Variants in GPC3 observed in about 807,000 individuals in gnomAD.
The protein encoded by GPC3 is glypican-3.
Under a neutral mutation model 34.4 loss-of-function variants are expected in GPC3, and 3 were observed. The observed-to-expected ratio is 0.09, with a 90% CI of 0.04 to 0.23. The LOEUF (loss-of-function observed/expected upper bound fraction) is 0.23, where lower values mean the gene tolerates loss of function less well. Among genes scored for constraint, GPC3 ranks in the 10% least tolerant of loss-of-function variants. The pLI is 1.00. For missense variants in GPC3, 351 were observed against 445.6 expected, an observed-to-expected ratio of 0.79 and a Z score of 1.91; for synonymous variants, 177 against 174.0, an observed-to-expected ratio of 1.02 and a Z score of -0.13.
intron 2 of GPC3, among the ~76,000 whole-genome samples, chrX:133,865,954 T>C (rs1811906566): frequency 8.9e-6 from 1 of 112,055 alleles, no homozygotes; most frequent in African/African-American, 3.2e-5. Flanking sequence ...AAATTTCTAG[T>C]TTTAAGCAGT....
rs185484275 is a variant in GPC3, at chrX:133,613,047, C to A, written c.1414-16448G>T. ...GTTGTCTAGTTCTCCTATCTTCAAACTTTAACTCAAATTCCCTGTATTATA... is the reference window on the plus strand; with the variant it reads ...GTTGTCTAGTTCTCCTATCTTCAAAATTTAACTCAAATTCCCTGTATTATA... On this transcript the variant is annotated intron_variant, in intron 6 of 7. Transcript: ENST00000370818. 1.8e-3 allele frequency among the ~76,000 whole-genome samples: 196 copies of A among 111,358 alleles called. 1 individual carries two copies. Among genetic ancestry groups the A allele is most frequent in the African/African-American group, 6.2e-3 (189 of 30,681 alleles).
intron 3 of GPC3, among the ~76,000 whole-genome samples, chrX:133,722,921 T>C (rs1294026797): frequency 8.9e-6 from 1 of 111,906 alleles, no homozygotes; most frequent in East Asian, 2.8e-4. Flanking sequence ...GAGACTCATC[T>C]TGCACATTTC....
At chrX:133,920,853 C>A (rs1054715545) in intron 2 of GPC3, among the ~76,000 whole-genome samples, 3 of 111,797 alleles carry the variant, frequency 2.7e-5, no homozygotes, top group Admixed American at 9.5e-5. Flanking sequence ...AATATTAACA[C>A]CTTACATAAC....
chrX:133,784,864 C>A (rs980907513), intron 2 of GPC3, among the ~76,000 whole-genome samples: 6 of 112,242 alleles, frequency 5.3e-5, no homozygotes, highest in African/African-American at 1.9e-4. Context: ...CAGTCACTCT[C>A]CATTTCCTCT....
At chrX:133,608,040 G>C (rs377633110) in intron 6 of GPC3, among the ~76,000 whole-genome samples, 1 of 112,561 alleles carries the variant, frequency 8.9e-6, no homozygotes, top group Admixed American at 9.4e-5. Flanking sequence ...AGCCTTACTA[G>C]AGTAAAGCTC....
In GPC3 at chrX:133,716,951, CT is replaced by C. The variant is rs1385977808; in HGVS notation, c.1033-16924del. Among the ~76,000 whole-genome samples, 12 of 109,661 alleles carry C rather than the reference CT, an allele frequency of 1.1e-4. No individual in the cohort carries two copies. In the South Asian group the frequency reaches 1.2e-3, roughly 11 times the overall value. On this transcript the variant is annotated intron_variant, in intron 3 of 7. Transcript: ENST00000370818. ...GGGCCCTCAATAAGATTAACAGTTGCTTTTTTTTTCTTGTTTTTTAATTTTT... is the reference window on the plus strand; with the variant it reads ...GGGCCCTCAATAAGATTAACAGTTGCTTTTTTTTCTTGTTTTTTAATTTTT...
intron 7 of GPC3, among the ~76,000 whole-genome samples, chrX:133,537,624 T>G (rs1404232600): frequency 1.8e-5 from 2 of 111,794 alleles, no homozygotes; most frequent in East Asian, 5.6e-4. Context: ...CCAAAAGGTC[T>G]ATTGCAATCT....
intron 1 of GPC3, among the ~76,000 whole-genome samples, chrX:133,962,766 T>C (rs1215973541): frequency 8.9e-6 from 1 of 111,884 alleles, no homozygotes; most frequent in African/African-American, 3.3e-5. Flanking sequence ...TCAGATACAA[T>C]CTTTAAATAC....
intron 6 of GPC3, among the ~76,000 whole-genome samples, chrX:133,611,403 G>A (rs2070111245): frequency 8.9e-6 from 1 of 111,836 alleles, no homozygotes; most frequent in African/African-American, 3.3e-5. Context: ...AAAAGGCTTG[G>A]TTCCTACACT....
intron 2 of GPC3, among the ~76,000 whole-genome samples, chrX:133,928,814 C>A (rs1281476202): frequency 8.9e-6 from 1 of 111,881 alleles, no homozygotes; most frequent in Non-Finnish European, 1.9e-5. Flanking sequence ...TGTATGAGTT[C>A]TTTATAAATC....
intron 6 of GPC3, among the ~76,000 whole-genome samples, chrX:133,617,811 C>A (rs2070182695): frequency 9.0e-6 from 1 of 111,118 alleles, no homozygotes; most frequent in African/African-American, 3.3e-5. Flanking sequence ...TTTATAGCTA[C>A]AGGGGTCTCG....
At chrX:133,571,864 T>C (rs2069635841) in intron 7 of GPC3, among the ~76,000 whole-genome samples, 1 of 112,411 alleles carries the variant, frequency 8.9e-6, no homozygotes, top group Non-Finnish European at 1.9e-5. Context: ...AGTTCTGTTC[T>C]TAATCCTGAG....
At chrX:133,632,498 T>G (rs903455425) in intron 6 of GPC3, among the ~76,000 whole-genome samples, 2 of 111,791 alleles carry the variant, frequency 1.8e-5, no homozygotes, top group African/African-American at 3.2e-5. Context: ...TTTACTTATA[T>G]ATAATTTCTA....
chrX:133,702,876 A>C (rs774754227), intron 3 of GPC3, among the ~76,000 whole-genome samples: 20 of 112,111 alleles, frequency 1.8e-4, no homozygotes, highest in Non-Finnish European at 3.2e-4. Context: ...TCTCATATAC[A>C]AAGCATTTGT....
At chrX:133,641,142 T>C (rs928850162) in intron 6 of GPC3, among the ~76,000 whole-genome samples, 1 of 109,769 alleles carries the variant, frequency 9.1e-6, no homozygotes, top group Non-Finnish European at 1.9e-5. Flanking sequence ...AAATTCCAGG[T>C]GTATGCTATA....
At position 133,981,859 on chromosome X, in the gene GPC3, T is replaced by C. The variant is rs749201815; in HGVS notation, c.175+3416A>G. Among the ~76,000 whole-genome samples, 7 of 112,573 alleles carry C rather than the reference T, an allele frequency of 6.2e-5. No individual in the cohort carries two copies. The South Asian group carries it at 2.6e-3, about 42-fold the overall frequency. On this transcript the variant is annotated intron_variant, in intron 1 of 7. Transcript: ENST00000370818. ...AATTTTGGCTGTTCAAGACTGCCTT[T>C]TACCCATACAGGCATTTGGCCTTCT...
chrX:133,627,165 A>G (rs1018636878), intron 6 of GPC3, among the ~76,000 whole-genome samples: 14 of 60,395 alleles, frequency 2.3e-4, no homozygotes, highest in African/African-American at 5.6e-4. Flanking sequence ...GGCCTGTCGC[A>G]GGGTGGGGGG....
At chrX:133,544,428 T>C (rs769324358) in intron 7 of GPC3, among the ~76,000 whole-genome samples, 2 of 112,123 alleles carry the variant, frequency 1.8e-5, no homozygotes, top group Non-Finnish European at 3.8e-5. Flanking sequence ...GCTTCCTTTT[T>C]CTAACACAAA....
At chrX:133,573,696 GA>G (rs1307680544) in intron 7 of GPC3, among the ~76,000 whole-genome samples, 1 of 111,520 alleles carries the variant, frequency 9.0e-6, no homozygotes, top group African/African-American at 3.2e-5. Flanking sequence ...AAATACATAG[GA>G]ATAAGTTTAA....
Sources: gnomAD v4.1 joint callset for allele counts (sites outside exome capture counted in the v4.1 genomes callset) on GRCh38, gnomAD v4.1.1 for gene constraint, MANE v1.5 for transcripts, NCBI Gene and HGNC (gene_info 2026-07-23, HGNC 2026-07-21) for gene names.